The following PPP2R2B variants were observed in gnomAD, a reference collection of about 807,000 sequenced individuals.
PPP2R2B encodes the protein serine/threonine-protein phosphatase 2A 55 kDa regulatory subunit B beta isoform.
A neutral mutation model predicts 46.0 loss-of-function variants in PPP2R2B; 5 were observed. The ratio of observed to expected loss-of-function variants is 0.11; its 90% CI spans 0.06 to 0.23. The LOEUF (loss-of-function observed/expected upper bound fraction) is 0.23. Among genes scored for constraint, PPP2R2B ranks in the 10% least tolerant of loss-of-function variants. The pLI, the probability that PPP2R2B is intolerant of heterozygous loss-of-function variation, is 1.00. For synonymous variants in PPP2R2B, 215 were observed against 206.7 expected, an observed-to-expected ratio of 1.04 and a Z score of -0.34; for missense variants, 367 against 575.0, an observed-to-expected ratio of 0.64 and a Z score of 3.70.
chr5:146,831,166 CCTT>C (rs1246303279), intron 2 of PPP2R2B, among the ~76,000 whole-genome samples: 1 of 151,990 alleles, frequency 6.6e-6, no homozygotes, highest in Admixed American at 6.6e-5. Flanking sequence ...AGAGTGTACT[CCTT>C]CTGCTTATAA....
chr5:146,748,029 A>T (rs947447562), intron 2 of PPP2R2B, among the ~76,000 whole-genome samples: 2 of 152,178 alleles, frequency 1.3e-5, no homozygotes, highest in African/African-American at 4.8e-5. Context: ...CAGCCACAAA[A>T]GCAGCTCCCA....
intron 2 of PPP2R2B, among the ~76,000 whole-genome samples, chr5:146,827,141 A>G (rs921348666): frequency 2.6e-5 from 4 of 152,130 alleles, no homozygotes; most frequent in Non-Finnish European, 5.9e-5. Flanking sequence ...CAAGGATATC[A>G]TAGGGGCTTA....
At chr5:146,869,383 A>T (rs571056672) in intron 2 of PPP2R2B, among the ~76,000 whole-genome samples, 2 of 152,324 alleles carry the variant, frequency 1.3e-5, no homozygotes, top group South Asian at 4.1e-4. Flanking sequence ...GCTGGAAACG[A>T]TTTTCTATCC....
At chr5:147,009,902 T>TAC (rs1300200061) in intron 1 of PPP2R2B, among the ~76,000 whole-genome samples, 2 of 144,526 alleles carry the variant, frequency 1.4e-5, no homozygotes, top group Admixed American at 6.8e-5. Context: ...CACACACATA[T>TAC]ATATATAGGA....
In PPP2R2B at chr5:146,899,247, G is replaced by T. The variant is rs555130725; in HGVS notation, c.79+156418C>A. Among the ~76,000 whole-genome samples, 164 of 146,800 alleles carry T rather than the reference G, an allele frequency of 1.1e-3. 2 individuals are homozygous for T. Among genetic ancestry groups the T allele is most frequent in the Middle Eastern group, 3.5e-3 (1 of 286 alleles). On this transcript the variant is annotated intron_variant, in intron 1 of 8. Transcript: ENST00000336640. ...CCCAAGTGTCCAAGAATGATAGACT[G>T]GATTAAGAAAATGTGGCACATATAC...
At chr5:146,634,945 T>G (rs1263514394) in intron 7 of PPP2R2B, among the ~76,000 whole-genome samples, 2 of 152,148 alleles carry the variant, frequency 1.3e-5, no homozygotes, top group African/African-American at 4.8e-5. Flanking sequence ...AAATGAATAA[T>G]GAGGCCTCCT....
At chr5:146,701,383 A>C (rs1779528526) in intron 2 of PPP2R2B, among the ~76,000 whole-genome samples, 1 of 152,196 alleles carries the variant, frequency 6.6e-6, no homozygotes, top group South Asian at 2.1e-4. Flanking sequence ...AAAGGGAAAA[A>C]CACATTTATA....
chr5:146,871,787 C>T (rs1185906153), intron 2 of PPP2R2B, among the ~76,000 whole-genome samples: 3 of 152,196 alleles, frequency 2.0e-5, no homozygotes, highest in African/African-American at 7.2e-5. Context: ...GAGCTCTAAT[C>T]TGGTTATGCC....
chr5:147,047,181 G>T (rs1298396591), intron 1 of PPP2R2B, among the ~76,000 whole-genome samples: 1 of 152,008 alleles, frequency 6.6e-6, no homozygotes, highest in South Asian at 2.1e-4. Context: ...GGAGAGATTT[G>T]TTAAAGGACA....
Position 146,645,564 on chromosome 5 carries a change from T to C in PPP2R2B, c.625+4983A>G, listed in dbSNP as rs150753720. Among the ~76,000 whole-genome samples the C allele has an allele frequency of 9.5e-3, 1,451 of 152,218 alleles. 10 individuals carry two copies. The highest frequency in any genetic ancestry group is 0.016 in the Non-Finnish European group (1,083 of 68,010). On this transcript the variant is annotated intron_variant, in intron 6 of 9. Transcript: ENST00000394411. ...CCTGCCTGGCAGAATCCCACTGAATTAAAAGGAAGCTGCTGTCCATGGTAG... is the reference window on the plus strand; with the variant it reads ...CCTGCCTGGCAGAATCCCACTGAATCAAAAGGAAGCTGCTGTCCATGGTAG...
intron 1 of PPP2R2B, among the ~76,000 whole-genome samples, chr5:147,005,376 G>A (rs563728664): frequency 5.3e-5 from 8 of 152,308 alleles, no homozygotes; most frequent in African/African-American, 1.7e-4. Flanking sequence ...GCACTTACCC[G>A]AGCTTTAGAA....
At chr5:146,813,039 G>A (rs959204242) in intron 2 of PPP2R2B, among the ~76,000 whole-genome samples, 5 of 149,930 alleles carry the variant, frequency 3.3e-5, no homozygotes, top group African/African-American at 7.4e-5. Context: ...GATAGAGCAA[G>A]TAATTTGCCC....
chr5:146,863,361 C>A (rs935991156), intron 2 of PPP2R2B, among the ~76,000 whole-genome samples: 2 of 152,186 alleles, frequency 1.3e-5, no homozygotes, highest in Admixed American at 1.3e-4. Context: ...AAGCTCTTCT[C>A]TGCCTGTCAT....
chr5:146,978,009 C>G (rs532545912), intron 1 of PPP2R2B, among the ~76,000 whole-genome samples: 25 of 152,170 alleles, frequency 1.6e-4, no homozygotes, highest in Non-Finnish European at 3.1e-4. Context: ...AAAAGCATTC[C>G]TATTTCTCCA....
At chr5:147,019,134 T>A (rs1431737791) in intron 1 of PPP2R2B, among the ~76,000 whole-genome samples, 1 of 152,180 alleles carries the variant, frequency 6.6e-6, no homozygotes, top group South Asian at 2.1e-4. Context: ...GAAATGTAGA[T>A]CTTCTGGTAC....
intron 1 of PPP2R2B, among the ~76,000 whole-genome samples, chr5:146,982,444 G>A (rs927732011): frequency 5.9e-5 from 9 of 152,076 alleles, no homozygotes; most frequent in Admixed American, 3.3e-4. Context: ...ATTAGATGAC[G>A]TTTGATTTAT....
At chr5:146,729,193 C>T (rs1348530365) in intron 2 of PPP2R2B, among the ~76,000 whole-genome samples, 1 of 152,180 alleles carries the variant, frequency 6.6e-6, no homozygotes, top group Non-Finnish European at 1.5e-5. Flanking sequence ...AAAGGTGACT[C>T]TTGTTATGTT....
chr5:146,808,958 GGTGTGTGTGTGTGT>G lies in PPP2R2B; in HGVS notation c.70+69030_70+69043del, dbSNP rs35023590. On this transcript the variant is annotated intron_variant, in intron 2 of 9. Coordinates refer to ENST00000394411, the MANE Select transcript of PPP2R2B (RefSeq NM_181675.4). The stretch of plus-strand genomic sequence containing the variant: ...GGCAGAAATGCCAGCTGCTAACACT[GGTGTGTGTGTGTGT>G]GTGTGTGTGTGTGTGTGTGTGTGCG... Among the ~76,000 whole-genome samples, 336 of 146,374 alleles carry G rather than the reference GGTGTGTGTGTGTGT, an allele frequency of 2.3e-3. 2 individuals are homozygous for G. In the South Asian group the frequency reaches 0.034, roughly 15 times the overall value.
chr5:146,832,753 T>C (rs1352063386), intron 2 of PPP2R2B, among the ~76,000 whole-genome samples: 1 of 152,128 alleles, frequency 6.6e-6, no homozygotes, highest in Non-Finnish European at 1.5e-5. Flanking sequence ...CACAAATGCT[T>C]ACCATTGTGT....
Sources: allele counts gnomAD v4.1 joint callset (sites outside exome capture counted in the v4.1 genomes callset), GRCh38; gene constraint gnomAD v4.1.1; transcripts MANE v1.5; gene names NCBI Gene and HGNC (gene_info 2026-07-23, HGNC 2026-07-21).